CBX8: variants seen among roughly 807,000 people sequenced by gnomAD.
The protein encoded by CBX8 is chromobox protein homolog 8.
Under a neutral mutation model 39.7 loss-of-function variants are expected in CBX8, and 8 were observed. The ratio of observed to expected loss-of-function variants is 0.20; its 90% CI spans 0.12 to 0.36. CBX8 has a LOEUF of 0.36. Ranked by LOEUF, CBX8 falls within the 10% of genes least tolerant of loss-of-function variation. CBX8 has a pLI of 1.00. For synonymous variants in CBX8, 268 were observed against 219.8 expected (o/e 1.22, Z -1.94); for missense variants, 505 against 529.6 (o/e 0.95, Z 0.46).
Position 79,794,577 on chromosome 17 carries a change from T to C in CBX8, c.*58A>G. On this transcript the variant is annotated 3_prime_UTR_variant, in exon 5 of 5. Coordinates refer to ENST00000269385, the MANE Select transcript of CBX8 (RefSeq NM_020649.3). ...TCCCACCCAGAAATAAAAATCACTA[T>C]GCCAAGCTCACGCTCACTCTCTCCC... is the stretch of plus-strand genomic sequence containing the variant. 1.5e-6 allele frequency: 2 copies of C among 1,341,218 alleles called. No individual in the cohort carries two copies. The highest frequency in any genetic ancestry group is 2.4e-5 in the East Asian group (1 of 41,894). The allele number at this position is 1,341,218 out of a possible 1,614,324, so 83.1% of individuals were successfully genotyped here.
rs1416600766 is a variant in CBX8 at position 79,795,606 on chromosome 17, C to T, written c.247-48G>A. 3.6e-6 allele frequency: 5 copies of T among 1,403,028 alleles called. No homozygotes were observed. Among genetic ancestry groups the T allele is most frequent in the Non-Finnish European group, 3.8e-6 (4 of 1,060,332 alleles). The allele number at this position is 1,403,028 out of a possible 1,614,324, so 86.9% of individuals were successfully genotyped here. A position where few individuals can be genotyped will look rare whatever the true frequency, so the allele number is the denominator to read the frequency against. On this transcript the variant is annotated intron_variant, in intron 4 of 4. Coordinates refer to ENST00000269385, the MANE Select transcript of CBX8 (RefSeq NM_020649.3). The surrounding 1 kb of genome is among the most constrained non-coding windows in gnomAD (Gnocchi z 5.8). ...AAGAGTGGGGCAGGGCCCTGTCCAC[C>T]CCCACAGGACTCCTCCTCTATCCCT...
chr17:79,795,147 C>CGCT lies in CBX8; in HGVS notation c.655_657dup (p.Ser219dup). The stretch of plus-strand genomic sequence containing the variant: ...CCCTTGAGGTACTCTCCGAGGCCGG[C>CGCT]GCTGGGTTCGCCTAAGGGCCTCTGT... On this transcript the variant is annotated inframe_insertion, in exon 5 of 5. Transcript: ENST00000269385. This position sits in a 1 kb window ranked among gnomAD's most constrained non-coding sequence, Gnocchi z 5.8. 1.2e-6 allele frequency: 2 copies of CGCT among 1,613,670 alleles called. No individual in the cohort carries two copies. Among genetic ancestry groups the CGCT allele is most frequent in the Non-Finnish European group, 1.7e-6 (2 of 1,179,928 alleles).
rs1426180490 is a variant in CBX8 at position 79,794,664 on chromosome 17, C to G, written c.1141G>C (p.Asp381His). 3 of 1,584,702 alleles carry G rather than the reference C, an allele frequency of 1.9e-6. No individual in the cohort carries two copies. The highest frequency in any genetic ancestry group is 2.6e-6 in the Non-Finnish European group (3 of 1,169,516). ...CTTTTCTCTTTAAAAAAGCCTTGGT[C>G]CGTGTTACTTTCCTTAATGGTGACG... Reference protein sequence around the residue: ...LTVTIKESNTDQGFFKEKR With the variant: ...LTVTIKESNTHQGFFKEKR Residue 381 changes from aspartate (D) to histidine (H), a missense_variant, in exon 5 of 5, where the codon GAC (aspartate) becomes CAC (histidine). Asp to His is a moderately conservative substitution (Grantham distance 81). Around this residue, in one of 3 missense-constraint regions of CBX8, gnomAD observed 17 missense variants for 39.0 expected, o/e 0.44. Transcript: ENST00000269385.
chr17:79,794,512 TG>T lies in CBX8; in HGVS notation c.*122del. The T allele has an allele frequency of 1.6e-6, 1 of 622,358 alleles. No individual in the cohort carries two copies. The highest frequency in any genetic ancestry group is 2.7e-6 in the Non-Finnish European group (1 of 368,012). The allele number at this position is 622,358 out of a possible 1,614,324, so 38.6% of individuals were successfully genotyped here. A position where few individuals can be genotyped will look rare whatever the true frequency, so the allele number is the denominator to read the frequency against. On this transcript the variant is annotated 3_prime_UTR_variant, in exon 5 of 5. Coordinates refer to ENST00000269385, the MANE Select transcript of CBX8 (RefSeq NM_020649.3). The stretch of plus-strand genomic sequence containing the variant: ...GGAGGGATGAAAGGGGCTGGTGGGG[TG>T]GGGGTGACATCAGGGACGGGACCAG...
Position 79,795,186 on chromosome 17 carries a change from G to C in CBX8, c.619C>G (p.Leu207Val), listed in dbSNP as rs772859757. ...KKRGPKPRKELPDPSQRPLGE... is the reference protein window; with the variant it reads ...KKRGPKPRKEVPDPSQRPLGE... ...AAGGGCCTCTGTGAGGGGTCCGGGAGCTCCTTCCGGGGCTTGGGGCCTCGC... is the reference window on the plus strand; with the variant it reads ...AAGGGCCTCTGTGAGGGGTCCGGGACCTCCTTCCGGGGCTTGGGGCCTCGC... Residue 207 changes from leucine to valine, a missense_variant, in exon 5 of 5, where the codon CTC (leucine) becomes GTC (valine). Coordinates refer to ENST00000269385, the MANE Select transcript of CBX8 (RefSeq NM_020649.3). The surrounding 1 kb of genome is among the most constrained non-coding windows in gnomAD (Gnocchi z 5.8). 3.1e-6 allele frequency: 5 copies of C among 1,613,478 alleles called. No individual in the cohort carries two copies. The highest frequency in any genetic ancestry group is 4.2e-6 in the Non-Finnish European group (5 of 1,179,858).
Position 79,795,851 on chromosome 17 carries a change from G to A in CBX8, c.246+206C>T, listed in dbSNP as rs556062587. 1.3e-4 allele frequency among the ~76,000 whole-genome samples: 20 copies of A among 152,262 alleles called. No homozygotes were observed. The highest frequency in any genetic ancestry group is 5.2e-4 in the Admixed American group (8 of 15,288). On this transcript the variant is annotated intron_variant, in intron 4 of 4. Transcript: ENST00000269385. This position sits in a 1 kb window ranked among gnomAD's most constrained non-coding sequence, Gnocchi z 5.8. ...ATTGTGTCCATTTGGGAGGGGGAGC[G>A]TAAAGGAATTCTAGTGTGGCCAAGC...
intron 2 of CBX8, 29 bp from the exon 3 acceptor site, chr17:79,796,344 C>A (rs752719562): frequency 3.3e-5 from 53 of 1,612,452 alleles, no homozygotes; most frequent in Non-Finnish European, 4.5e-5. Context: ...AAGTGGGCAT[C>A]AGTCCCAGGA....
intron 2 of CBX8, 39 bp downstream of exon 2, chr17:79,796,442 AAAGAAACCTCCCGAAT>A: frequency 6.2e-7 from 1 of 1,611,582 alleles, no homozygotes; most frequent in East Asian, 2.2e-5. Context: ...AAAGAGGAAG[AAAGAAACCTCCCGAAT>A]AACAGTCTGG....
intron 2 of CBX8, 70 bp downstream of exon 2, chr17:79,796,427 G>A: frequency 1.9e-6 from 3 of 1,604,658 alleles, no homozygotes; most frequent in Non-Finnish European, 2.6e-6. Flanking sequence ...TCAATGTAAA[G>A]GCAAAAAGAG....
Position 79,795,295 on chromosome 17 carries a change from C to T in CBX8, c.510G>A (p.Arg170=), listed in dbSNP as rs1908034866. Residue 170 remains arginine (R), a synonymous_variant, in exon 5 of 5, where the codon AGG becomes AGA. Transcript: ENST00000269385. The surrounding 1 kb of genome is among the most constrained non-coding windows in gnomAD (Gnocchi z 5.8). The stretch of plus-strand genomic sequence containing the variant: ...CTCGTTCCCTCTCACGTTCCCGCTC[C>T]CTCTCTCGCTCCCTCTCCCTTTCTC... ...RDRERERERE[R]ERERERERER... 3 of 1,592,732 alleles carry T rather than the reference C, an allele frequency of 1.9e-6. No individual in the cohort carries two copies. The highest frequency in any genetic ancestry group is 2.6e-6 in the Non-Finnish European group (3 of 1,169,388).
rs756697732 is a variant in CBX8, at chr17:79,795,376, G to A, written c.429C>T (p.Arg143=). The A allele has an allele frequency of 1.9e-5, 31 of 1,598,842 alleles. No individual in the cohort carries two copies. The highest frequency in any genetic ancestry group is 6.7e-5 in the African/African-American group (5 of 74,816). The change falls in exon 5 of 5, where the codon CGC becomes CGT. Residue 143 remains arginine, a synonymous_variant. Coordinates refer to ENST00000269385, the MANE Select transcript of CBX8 (RefSeq NM_020649.3). The surrounding 1 kb of genome is among the most constrained non-coding windows in gnomAD (Gnocchi z 5.8). The part of the protein sequence containing the change: ...ASSTSTSSTC[R]AEAPRDRDRD... ...GGTCCCGGTCCCGAGGGGCCTCTGC[G>A]CGGCAGGTGCTGCTGGTGCTGGTGC...
intron 2 of CBX8, 21 bp from the exon 3 acceptor site, chr17:79,796,336 G>A (rs368148762): frequency 8.5e-5 from 137 of 1,613,482 alleles, no homozygotes; most frequent in Non-Finnish European, 9.4e-5. Context: ...TCAGGAAGAA[G>A]TGGGCATCAG....
chr17:79,796,951 G>A lies in CBX8; in HGVS notation c.48C>T (p.Leu16=), dbSNP rs1490710104. ...VGERVFAAEA[L]LKRRIRKGRM... ...CTACTTTCCGTATGCGCCGCTTCAG[G>A]AGGGCTTCGGCCGCGAACACCCGCT... The change falls in exon 1 of 5, where the codon CTC becomes CTT. Residue 16 remains leucine, a synonymous_variant. Transcript: ENST00000269385. 2.2e-5 allele frequency: 36 copies of A among 1,610,966 alleles called. No homozygotes were observed. The highest frequency in any genetic ancestry group is 2.9e-5 in the Non-Finnish European group (34 of 1,179,088).
Position 79,794,857 on chromosome 17 carries a change from A to G in CBX8, c.948T>C (p.Ser316=). The change falls in exon 5 of 5, where the codon TCT becomes TCC. Residue 316 remains serine (S), a synonymous_variant. Transcript: ENST00000269385. ...CCATGTCCCGGTACAGGCCCCCCCC[A>G]GAGCTGGGGGGGCCTGAGCCATGTC... ...RVRHGSGPPS[S]GGGLYRDMGA... is the part of the protein sequence containing the mutation. 1 of 1,607,412 alleles carries G rather than the reference A, an allele frequency of 6.2e-7. No homozygotes were observed. The highest frequency in any genetic ancestry group is 8.5e-7 in the Non-Finnish European group (1 of 1,176,450).
chr17:79,792,496 A>G lies in CBX8; in HGVS notation c.*2139T>C, dbSNP rs974320710. On this transcript the variant is annotated 3_prime_UTR_variant, in exon 5 of 5. Coordinates refer to ENST00000269385, the MANE Select transcript of CBX8 (RefSeq NM_020649.3). The stretch of plus-strand genomic sequence containing the variant: ...AAAGTCAGCCCCCAGGAAGGGAGGG[A>G]GGTGGGAGTAAAGGACAGGCGGGAG... 1 of 152,448 alleles carries G rather than the reference A, an allele frequency of 6.6e-6. No homozygotes were observed. Among genetic ancestry groups the G allele is most frequent in the African/African-American group, 2.4e-5 (1 of 41,430 alleles). The allele number at this position is 152,448 out of a possible 1,614,324, so 9.4% of individuals were successfully genotyped here.
chr17:79,792,519 G>A lies in CBX8; in HGVS notation c.*2116C>T, dbSNP rs1237531784. The A allele has an allele frequency of 6.6e-6, 1 of 152,452 alleles. No homozygotes were observed. Among genetic ancestry groups the A allele is most frequent in the Non-Finnish European group, 1.5e-5 (1 of 68,160 alleles). 9.4% of individuals were successfully genotyped at this position (152,452 alleles called of 1,614,324 possible). Reference sequence around the variant, plus strand: ...GGAGGTGGGAGTAAAGGACAGGCGGGAGAGAAGGGAAGGCGGCGGCCAGGT... The same window carrying A: ...GGAGGTGGGAGTAAAGGACAGGCGGAAGAGAAGGGAAGGCGGCGGCCAGGT... On this transcript the variant is annotated 3_prime_UTR_variant, in exon 5 of 5. Coordinates refer to ENST00000269385, the MANE Select transcript of CBX8 (RefSeq NM_020649.3).
chr17:79,796,606 C>G lies in CBX8; in HGVS notation c.70-66G>C, dbSNP rs189563562. On this transcript the variant is annotated intron_variant, in intron 1 of 4. Transcript: ENST00000269385. ...ACGCATGACGAGGATACAAGAAATG[C>G]ATGCGAAAATGCATGCACCAGATGA... 3 of 1,579,994 alleles carry G rather than the reference C, an allele frequency of 1.9e-6. No homozygotes were observed. In the African/African-American group the frequency reaches 4.0e-5, roughly 21 times the overall value.
Position 79,795,578 on chromosome 17 carries a change from C to T in CBX8, c.247-20G>A, listed in dbSNP as rs747169248. ...CTGCGCCTGCAGGAGAGAAGATGGT[C>T]TCAAGAGTGGGGCAGGGCCCTGTCC... On this transcript the variant is annotated intron_variant, in intron 4 of 4. Coordinates refer to ENST00000269385, the MANE Select transcript of CBX8 (RefSeq NM_020649.3). This position sits in a 1 kb window ranked among gnomAD's most constrained non-coding sequence, Gnocchi z 5.8. 7 of 1,495,240 alleles carry T rather than the reference C, an allele frequency of 4.7e-6. No homozygotes were observed. The Admixed American group carries it at 1.7e-4, about 36-fold the overall frequency. The allele number at this position is 1,495,240 out of a possible 1,614,324, so 92.6% of individuals were successfully genotyped here. A position where few individuals can be genotyped will look rare whatever the true frequency, so the allele number is the denominator to read the frequency against.
At position 79,795,005 on chromosome 17, in the gene CBX8, C is replaced by A; in HGVS notation, c.800G>T (p.Ser267Ile). 1 of 1,606,750 alleles carries A rather than the reference C, an allele frequency of 6.2e-7. No individual in the cohort carries two copies. The highest frequency in any genetic ancestry group is 8.5e-7 in the Non-Finnish European group (1 of 1,176,136). The change falls in exon 5 of 5, where the codon AGC becomes ATC. Residue 267 changes from serine to isoleucine, a missense_variant. Physicochemically the swap from Ser to Ile is moderately radical, Grantham distance 142. Transcript: ENST00000269385. The surrounding 1 kb of genome is among the most constrained non-coding windows in gnomAD (Gnocchi z 5.8). ...CAGTTTGCCCGTGGCCTCAGCTGAG[C>A]TAGGGCTGGTCACACCACACTGCAC... is the stretch of plus-strand genomic sequence containing the variant. ...DLVQCGVTSP[S>I]SAEATGKLAV... is the part of the protein sequence containing the mutation.
Sources: gnomAD v4.1 joint callset for allele counts (sites outside exome capture counted in the v4.1 genomes callset) on GRCh38, gnomAD v4.1.1 for gene constraint, gnomAD v4.1.1 regional missense constraint, Gnocchi (gnomAD v3.1) non-coding constraint, MANE v1.5 for transcripts, NCBI Gene and HGNC (gene_info 2026-07-23, HGNC 2026-07-21) for gene names.